The following MYO18B variants were observed in gnomAD, a reference collection of about 807,000 sequenced individuals.
MYO18B encodes unconventional myosin-XVIIIb.
Under a neutral mutation model 273.0 loss-of-function variants are expected in MYO18B, and 204 were observed. The observed-to-expected ratio is 0.75, with a 90% CI of 0.67 to 0.84. MYO18B has a LOEUF of 0.84. MYO18B is among the 40% of genes least tolerant of loss of function. The pLI, the probability that MYO18B is intolerant of heterozygous loss-of-function variation, is 0.00. For synonymous variants in MYO18B, 1,330 were observed against 1,305.7 expected, an observed-to-expected ratio of 1.02 and a Z score of -0.40; for missense variants, 3,212 against 3,287.6, an observed-to-expected ratio of 0.98 and a Z score of 0.56.
intron 13 of MYO18B, 53 bp downstream of exon 13, chr22:25,823,731 C>G: frequency 1.3e-6 from 2 of 1,576,044 alleles, no homozygotes; most frequent in East Asian, 4.5e-5. Flanking sequence ...GGGCCAGCTC[C>G]TGGGGATACA....
At chr22:25,805,225 C>A (rs529209638) in intron 12 of MYO18B, among the ~76,000 whole-genome samples, 3 of 152,200 alleles carry the variant, frequency 2.0e-5, no homozygotes, top group Admixed American at 6.5e-5. Context: ...CATCTGCATT[C>A]TGCAGATGAG....
chr22:25,812,963 CCT>C (rs2088827376), intron 12 of MYO18B, among the ~76,000 whole-genome samples: 1 of 151,972 alleles, frequency 6.6e-6, no homozygotes, highest in African/African-American at 2.4e-5. Context: ...CCTCCTTTCT[CCT>C]CTTTCTCTTC....
At chr22:25,871,686 C>A (rs1227066192) in intron 22 of MYO18B, among the ~76,000 whole-genome samples, 2 of 152,038 alleles carry the variant, frequency 1.3e-5, no homozygotes, top group Non-Finnish European at 2.9e-5. Flanking sequence ...CAGCCTCTGG[C>A]GCCTTATCAA....
intron 34 of MYO18B, among the ~76,000 whole-genome samples, chr22:25,941,725 G>C (rs540443164): frequency 3.3e-5 from 5 of 152,356 alleles, no homozygotes; most frequent in Admixed American, 3.3e-4. Flanking sequence ...GTCAGCAGCG[G>C]CCTGGGGCCT....
intron 11 of MYO18B, among the ~76,000 whole-genome samples, chr22:25,791,407 C>T (rs1216419131): frequency 5.9e-5 from 9 of 152,062 alleles, no homozygotes; most frequent in Middle Eastern, 3.4e-3. Context: ...TGGCGCTGGC[C>T]GGGTCCTCAG....
chr22:25,752,933 G>A (rs2085980104), intron 1 of MYO18B, among the ~76,000 whole-genome samples: 1 of 152,210 alleles, frequency 6.6e-6, no homozygotes, highest in African/African-American at 2.4e-5. Context: ...ACAGTGAGGC[G>A]CTTAGCACCC....
At chr22:25,907,066 T>G (rs922004480) in intron 31 of MYO18B, among the ~76,000 whole-genome samples, 1 of 152,234 alleles carries the variant, frequency 6.6e-6, no homozygotes, top group African/African-American at 2.4e-5. Context: ...AAAGGAAAGC[T>G]TCAAAGCTTT....
chr22:25,810,121 A>G (rs911564203), intron 12 of MYO18B, among the ~76,000 whole-genome samples: 10 of 140,460 alleles, frequency 7.1e-5, no homozygotes, highest in Non-Finnish European at 1.4e-4. Flanking sequence ...TTTTTGAGAC[A>G]GAGTCTTGCT....
intron 1 of MYO18B, among the ~76,000 whole-genome samples, chr22:25,754,987 A>G (rs1305556101): frequency 6.6e-6 from 1 of 152,180 alleles, no homozygotes; most frequent in Non-Finnish European, 1.5e-5. Context: ...CTGGAGAGGA[A>G]GGCGGGTAGT....
At chr22:25,764,881 G>A (rs1252550606) in intron 3 of MYO18B, among the ~76,000 whole-genome samples, 1 of 152,228 alleles carries the variant, frequency 6.6e-6, no homozygotes, top group Non-Finnish European at 1.5e-5. Context: ...GGTGGAGACT[G>A]AGGCCAAAAG....
At chr22:26,049,089 A>G in the MYO18B span, among the ~76,000 whole-genome samples, 1 of 151,174 alleles carries the variant, frequency 6.6e-6, no homozygotes, top group African/African-American at 2.4e-5. Flanking sequence ...CTAAAATCTG[A>G]AAAAAAAAGA....
At chr22:26,017,893 C>G (rs1935489050) in intron 42 of MYO18B, among the ~76,000 whole-genome samples, 1 of 150,864 alleles carries the variant, frequency 6.6e-6, no homozygotes, top group African/African-American at 2.4e-5. Context: ...TTATTAACAT[C>G]TTGCATTACT....
chr22:25,846,204 G>A lies in MYO18B; in HGVS notation c.3473G>A (p.Arg1158His), dbSNP rs759446365. The change falls in exon 19 of 44, where the codon CGC becomes CAC. Residue 1158 changes from arginine to histidine, a missense_variant. Physicochemically the swap from Arg to His is conservative, Grantham distance 29. Transcript: ENST00000335473. ...TCCCAGCAGGCCCTGCAGAGGAGCCGCATGGTGAGGAGGACCTTTGCCAGC... is the reference window on the plus strand; with the variant it reads ...TCCCAGCAGGCCCTGCAGAGGAGCCACATGGTGAGGAGGACCTTTGCCAGC... ...GTSQQALQRS[R>H]MVRRTFASSL... The A allele has an allele frequency of 5.6e-6, 9 of 1,612,214 alleles. No individual in the cohort carries two copies. The highest frequency in any genetic ancestry group is 2.2e-5 in the East Asian group (1 of 44,884).
intron 40 of MYO18B, among the ~76,000 whole-genome samples, chr22:25,997,978 C>CGAGAGAGAGAGAGAGAGAGAGAGAGA (rs5844669): frequency 6.9e-6 from 1 of 144,550 alleles, no homozygotes; most frequent in Non-Finnish European, 1.5e-5. Context: ...CACACACACA[C>CGAGAGAGAGAGAGAGAGAGAGAGAGA]GAGAGAGAGA....
At chr22:26,051,216 CT>C in the MYO18B span, among the ~76,000 whole-genome samples, 819 of 92,576 alleles carry the variant, frequency 8.8e-3, no homozygotes, top group African/African-American at 0.03. Context: ...TAATTGGTCC[CT>C]TTTTTTTTTT....
chr22:25,997,228 G>A (rs953911463), intron 40 of MYO18B, among the ~76,000 whole-genome samples: 15 of 146,224 alleles, frequency 1.0e-4, no homozygotes, highest in Non-Finnish European at 2.1e-4. Context: ...TGGCTTGAAC[G>A]AGGGAGGCAG....
intron 23 of MYO18B, 56 bp downstream of exon 23, chr22:25,874,470 G>T: frequency 6.4e-7 from 1 of 1,562,432 alleles, no homozygotes. Flanking sequence ...AGCGGGCATA[G>T]GGTCTGCCTG....
intron 11 of MYO18B, among the ~76,000 whole-genome samples, chr22:25,790,778 A>T (rs2087626992): frequency 6.6e-6 from 1 of 152,158 alleles, no homozygotes; most frequent in South Asian, 2.1e-4. Flanking sequence ...GTCTTTGGGG[A>T]TCTCATGTCT....
At chr22:25,882,203 T>C (rs547761052) in intron 25 of MYO18B, among the ~76,000 whole-genome samples, 1 of 113,420 alleles carries the variant, frequency 8.8e-6, no homozygotes, top group African/African-American at 4.5e-5. Context: ...TTTTCATCCC[T>C]GTTCGTCAAA....
Sources: gnomAD v4.1 joint callset for allele counts (sites outside exome capture counted in the v4.1 genomes callset) on GRCh38, gnomAD v4.1.1 for gene constraint, MANE v1.5 for transcripts, NCBI Gene and HGNC (gene_info 2026-07-23, HGNC 2026-07-21) for gene names.